Variants in PCK1 observed in about 807,000 individuals in gnomAD.
PCK1 encodes phosphoenolpyruvate carboxykinase 1, also known as phosphoenolpyruvate carboxykinase, cytosolic [GTP].
PCK1 carries 44 observed loss-of-function variants against 50.3 expected under a neutral mutation model. That is an observed-to-expected ratio of 0.87 (90% confidence interval 0.69 to 1.12). The LOEUF is 1.12. Ranked by LOEUF, PCK1 falls within the 50% of genes most tolerant of loss-of-function variation. The pLI, the probability that PCK1 is intolerant of heterozygous loss-of-function variation, is 0.00. For missense variants in PCK1, 790 were observed against 815.0 expected (o/e 0.97, Z 0.37); for synonymous variants, 332 against 314.3 (o/e 1.06, Z -0.59).
chr20:57,562,559 C>A, intron 3 of PCK1, 137 bp from the exon 4 acceptor site: 1 of 727,808 alleles, frequency 1.4e-6, no homozygotes, highest in Non-Finnish European at 2.3e-6. Context: ...CTCTTCTAAC[C>A]CAGGGGGCTG....
chr20:57,564,137 C>A, intron 6 of PCK1, 32 bp from the exon 7 acceptor site: 1 of 1,434,254 alleles, frequency 7.0e-7, no homozygotes, highest in Non-Finnish European at 9.8e-7. Flanking sequence ...GCCTGGCACT[C>A]ACTACTGCTT....
Position 57,565,749 on chromosome 20 carries a change from C to G in PCK1, c.1814C>G (p.Pro605Arg). The G allele has an allele frequency of 6.2e-7, 1 of 1,613,506 alleles. No homozygotes were observed. The highest frequency in any genetic ancestry group is 8.5e-7 in the Non-Finnish European group (1 of 1,179,916). The part of the protein sequence containing the change: ...YLEDQVNADL[P>R]CEIEREILAL... Reference sequence around the variant, plus strand: ...GAGGATCAAGTCAATGCCGACCTCCCCTGTGAAATCGAGAGAGAGATCCTT... The same window carrying G: ...GAGGATCAAGTCAATGCCGACCTCCGCTGTGAAATCGAGAGAGAGATCCTT... Residue 605 changes from proline (P) to arginine (R), a missense_variant, in exon 10 of 10, where the codon CCC becomes CGC. By Grantham distance (103) the Pro-to-Arg change is moderately radical. Coordinates refer to ENST00000319441, the MANE Select transcript of PCK1 (RefSeq NM_002591.4).
At position 57,563,152 on chromosome 20, in the gene PCK1, C is replaced by T; in HGVS notation, c.735C>T (p.Cys245=). The T allele has an allele frequency of 6.2e-7, 1 of 1,613,830 alleles. No individual in the cohort carries two copies. Among genetic ancestry groups the T allele is most frequent in the Non-Finnish European group, 8.5e-7 (1 of 1,180,034 alleles). ...GGAACTCGCTGCTCGGGAAGAAGTGCTTTGCTCTCAGGATGGCCAGCCGGC... is the reference window on the plus strand; with the variant it reads ...GGAACTCGCTGCTCGGGAAGAAGTGTTTTGCTCTCAGGATGGCCAGCCGGC... ...YGGNSLLGKK[C]FALRMASRLA... The change falls in exon 5 of 10, where the codon TGC becomes TGT. Residue 245 remains cysteine, a synonymous_variant. Transcript: ENST00000319441.
chr20:57,562,410 C>T, intron 3 of PCK1, 158 bp downstream of exon 3: 1 of 675,632 alleles, frequency 1.5e-6, no homozygotes, highest in Admixed American at 2.9e-5. Context: ...AATGCACATC[C>T]CTCTTCTGCT....
In PCK1 at chr20:57,564,309, G is replaced by T; in HGVS notation, c.1102G>T (p.Val368Phe). Residue 368 changes from valine (V) to phenylalanine (F), a missense_variant, in exon 7 of 10, where the codon GTT (valine) becomes TTT (phenylalanine). Transcript: ENST00000319441. ...TGTGGCCGAGACCAGCGACGGGGGC[G>T]TTTACTGGGAAGGCATTGATGAGCC... is the stretch of plus-strand genomic sequence containing the variant. ...TNVAETSDGG[V>F]YWEGIDEPLA... is the part of the protein sequence containing the mutation. 6.2e-7 allele frequency: 1 copy of T among 1,614,076 alleles called. No individual in the cohort carries two copies. Among genetic ancestry groups the T allele is most frequent in the South Asian group, 1.1e-5 (1 of 91,072 alleles).
chr20:57,563,132 T>A lies in PCK1; in HGVS notation c.715T>A (p.Ser239Thr). 1.2e-6 allele frequency: 2 copies of A among 1,613,792 alleles called. No homozygotes were observed. Among genetic ancestry groups the A allele is most frequent in the Non-Finnish European group, 1.7e-6 (2 of 1,180,018 alleles). The change falls in exon 5 of 10, where the codon TCG (serine) becomes ACG (threonine). Residue 239 changes from serine (S) to threonine (T), a missense_variant. By Grantham distance (58) the Ser-to-Thr change is moderately conservative (BLOSUM62 1). Transcript: ENST00000319441. ...CTTTGGCAGTGGGTACGGCGGGAAC[T>A]CGCTGCTCGGGAAGAAGTGCTTTGC... ...ISFGSGYGGN[S>T]LLGKKCFALR...
At position 57,563,706 on chromosome 20, in the gene PCK1, T is replaced by A. The variant is rs1425979888; in HGVS notation, c.940T>A (p.Trp314Arg). 1 of 1,611,204 alleles carries A rather than the reference T, an allele frequency of 6.2e-7. No individual in the cohort carries two copies. Among genetic ancestry groups the A allele is most frequent in the African/African-American group, 1.3e-5 (1 of 74,728 alleles). The change falls in exon 6 of 10, where the codon TGG becomes AGG. Residue 314 changes from tryptophan to arginine, a missense_variant. Coordinates refer to ENST00000319441, the MANE Select transcript of PCK1 (RefSeq NM_002591.4). The stretch of plus-strand genomic sequence containing the variant: ...TGAGTGCGTCGGGGATGACATTGCC[T>A]GGATGAAGTTTGACGCACAAGGTGA... ...KVECVGDDIA[W>R]MKFDAQGHLR...
rs1161707670 is a variant in PCK1 at position 57,565,396 on chromosome 20, C to G, written c.1461C>G (p.Gly487=). Residue 487 remains glycine, a synonymous_variant, in exon 10 of 10, where the codon GGC becomes GGG. Transcript: ENST00000319441. ...HDPFAMRPFF[G]YNFGKYLAHW... ...CCTTTGCCATGCGGCCCTTCTTTGGCTACAACTTCGGCAAATACCTGGCCC... is the reference window on the plus strand; with the variant it reads ...CCTTTGCCATGCGGCCCTTCTTTGGGTACAACTTCGGCAAATACCTGGCCC... The G allele has an allele frequency of 6.2e-7, 1 of 1,614,102 alleles. No homozygotes were observed. Among genetic ancestry groups the G allele is most frequent in the African/African-American group, 1.3e-5 (1 of 74,926 alleles).
Position 57,562,758 on chromosome 20 carries a change from G to A in PCK1, c.469G>A (p.Gly157Ser), listed in dbSNP as rs752732225. 2.7e-5 allele frequency: 44 copies of A among 1,613,962 alleles called. No homozygotes were observed. Among genetic ancestry groups the A allele is most frequent in the Admixed American group, 3.3e-5 (2 of 60,008 alleles). Residue 157 changes from glycine (G) to serine (S), a missense_variant, in exon 4 of 10, where the codon GGC becomes AGC. Coordinates refer to ENST00000319441, the MANE Select transcript of PCK1 (RefSeq NM_002591.4). ...GPLGSPLSKI[G>S]IELTDSPYVV... ...GCTGGGCTCGCCTCTGTCAAAGATC[G>A]GCATCGAGCTGACGGATTCACCCTA...
Position 57,567,269 on chromosome 20 carries a change from T to C in PCK1, c.*1465T>C, listed in dbSNP as rs904268072. On this transcript the variant is annotated 3_prime_UTR_variant, in exon 10 of 10. Transcript: ENST00000319441. ...CTCCAGTCTCCTCAACTGGAAAACT[T>C]GCCTCTTTTCCTCACTTCCTCTGCT... 6.6e-6 allele frequency: 1 copy of C among 152,186 alleles called. No homozygotes were observed. The allele number at this position is 152,186 out of a possible 1,614,324, so 9.4% of individuals were successfully genotyped here.
In PCK1 at chr20:57,564,410, G is replaced by A; in HGVS notation, c.1186+17G>A. ...CAGAGGATGGTGTGTCCCTGCCAGAGGCCTTGGTGTGCCGGGCTGCAGGGA... is the reference window on the plus strand; with the variant it reads ...CAGAGGATGGTGTGTCCCTGCCAGAAGCCTTGGTGTGCCGGGCTGCAGGGA... On this transcript the variant is annotated intron_variant, in intron 7 of 9. Coordinates refer to ENST00000319441, the MANE Select transcript of PCK1 (RefSeq NM_002591.4). 1 of 1,613,768 alleles carries A rather than the reference G, an allele frequency of 6.2e-7. No individual in the cohort carries two copies. The highest frequency in any genetic ancestry group is 8.5e-7 in the Non-Finnish European group (1 of 1,179,672).
intron 2 of PCK1, 95 bp from the exon 3 acceptor site, chr20:57,561,976 C>A: frequency 1.0e-6 from 1 of 975,476 alleles, no homozygotes; most frequent in Non-Finnish European, 1.6e-6. Flanking sequence ...TGTTAGCGTG[C>A]TCAGCACTCT....
chr20:57,565,190 G>A lies in PCK1; in HGVS notation c.1414+55G>A, dbSNP rs568065531. 411 of 1,394,598 alleles carry A rather than the reference G, an allele frequency of 2.9e-4. 6 individuals carry two copies. In the South Asian group the frequency reaches 4.3e-3, roughly 15 times the overall value. The allele number at this position is 1,394,598 out of a possible 1,614,324, so 86.4% of individuals were successfully genotyped here. Reference sequence around the variant, plus strand: ...GAGAAGTGGGATTAGAGCACTCTTCGTCACTCTTATGTCTCTCTCCTTTTC... The same window carrying A: ...GAGAAGTGGGATTAGAGCACTCTTCATCACTCTTATGTCTCTCTCCTTTTC... On this transcript the variant is annotated intron_variant, in intron 9 of 9. Transcript: ENST00000319441.
intron 6 of PCK1, 140 bp downstream of exon 6, chr20:57,563,867 T>C (rs1311385111): frequency 9.8e-6 from 7 of 714,826 alleles, no homozygotes; most frequent in Non-Finnish European, 1.7e-5. Flanking sequence ...CTTAGAAATA[T>C]GGATCCTGTA....
At position 57,564,518 on chromosome 20, in the gene PCK1, C is replaced by T; in HGVS notation, c.1223C>T (p.Thr408Ile). The T allele has an allele frequency of 1.2e-6, 2 of 1,614,166 alleles. No homozygotes were observed. The highest frequency in any genetic ancestry group is 2.2e-5 in the East Asian group (1 of 44,888). The change falls in exon 8 of 10, where the codon ACC becomes ATC. Residue 408 changes from threonine to isoleucine, a missense_variant. Coordinates refer to ENST00000319441, the MANE Select transcript of PCK1 (RefSeq NM_002591.4). ...GCCCACCCCAACTCGAGGTTCTGCACCCCTGCCAGCCAGTGCCCCATCATT... is the reference window on the plus strand; with the variant it reads ...GCCCACCCCAACTCGAGGTTCTGCATCCCTGCCAGCCAGTGCCCCATCATT... ...PCAHPNSRFC[T>I]PASQCPIIDA...
At position 57,564,390 on chromosome 20, in the gene PCK1, G is replaced by T; in HGVS notation, c.1183G>T (p.Asp395Tyr). The change falls in exon 7 of 10, where the codon GAT becomes TAT. Residue 395 changes from aspartate (D) to tyrosine (Y), a missense_variant. Coordinates refer to ENST00000319441, the MANE Select transcript of PCK1 (RefSeq NM_002591.4). ...GAAGAATAAGGAGTGGAGCTCAGAG[G>T]ATGGTGTGTCCCTGCCAGAGGCCTT... ...SWKNKEWSSE[D>Y]GEPCAHPNSR... is the part of the protein sequence containing the mutation. 1 of 1,613,960 alleles carries T rather than the reference G, an allele frequency of 6.2e-7. No homozygotes were observed. Among genetic ancestry groups the T allele is most frequent in the South Asian group, 1.1e-5 (1 of 91,068 alleles).
At position 57,563,063 on chromosome 20, in the gene PCK1, C is replaced by A; in HGVS notation, c.646C>A (p.Leu216Met). ...CAACAACTGGCCCTGCAACCCGGAGCTGACGCTCATCGCCCACCTGCCTGA... is the reference window on the plus strand; with the variant it reads ...CAACAACTGGCCCTGCAACCCGGAGATGACGCTCATCGCCCACCTGCCTGA... ...LVNNWPCNPE[L>M]TLIAHLPDRR... Residue 216 changes from leucine to methionine, a missense_variant, in exon 5 of 10, where the codon CTG becomes ATG. Transcript: ENST00000319441. 6.2e-7 allele frequency: 1 copy of A among 1,614,072 alleles called. No individual in the cohort carries two copies. Among genetic ancestry groups the A allele is most frequent in the African/African-American group, 1.3e-5 (1 of 75,066 alleles).
In PCK1 at chr20:57,563,694, GA is replaced by G. The variant is rs1341565356; in HGVS notation, c.929del (p.Asp310ValfsTer6). 9 of 1,613,088 alleles carry G rather than the reference GA, an allele frequency of 5.6e-6. No homozygotes were observed. In the Admixed American group the frequency reaches 1.3e-4, roughly 24 times the overall value. Reference protein sequence around the residue: ...LPGWKVECVGDDIAWMKFDAQ... With the variant: ...LPGWKVECVGXDIAWMKFDAQ... ...CGGGTGGAAGGTTGAGTGCGTCGGG[GA>G]TGACATTGCCTGGATGAAGTTTGAC... On this transcript the variant is annotated frameshift_variant, in exon 6 of 10. Transcript: ENST00000319441. LOFTEE classifies it high-confidence loss of function.
Position 57,561,443 on chromosome 20 carries a change from T to C in PCK1, c.32T>C (p.Leu11Pro). 1 of 1,613,594 alleles carries C rather than the reference T, an allele frequency of 6.2e-7. No individual in the cohort carries two copies. The highest frequency in any genetic ancestry group is 8.5e-7 in the Non-Finnish European group (1 of 1,179,952). Reference sequence around the variant, plus strand: ...CCTCAGCTGCAAAACGGCCTGAACCTCTCGGCCAAAGTTGTCCAGGGAAGC... The same window carrying C: ...CCTCAGCTGCAAAACGGCCTGAACCCCTCGGCCAAAGTTGTCCAGGGAAGC... Reference protein sequence around the residue: MPPQLQNGLNLSAKVVQGSLD... With the variant: MPPQLQNGLNPSAKVVQGSLD... Residue 11 changes from leucine to proline, a missense_variant, in exon 2 of 10, where the codon CTC (leucine) becomes CCC (proline). Coordinates refer to ENST00000319441, the MANE Select transcript of PCK1 (RefSeq NM_002591.4).
Sources: allele counts gnomAD v4.1 joint callset, GRCh38; gene constraint gnomAD v4.1.1; transcripts MANE v1.5; gene names NCBI Gene and HGNC (gene_info 2026-07-23, HGNC 2026-07-21).